Variants in AGAP1 observed in about 807,000 individuals in gnomAD.
AGAP1 encodes arf-GAP with GTPase, ANK repeat and PH domain-containing protein 1.
In AGAP1, 29 loss-of-function variants were observed where a neutral mutation model predicts 105.3. That is an observed-to-expected ratio of 0.28 (90% CI 0.21 to 0.38). The LOEUF (loss-of-function observed/expected upper bound fraction) is 0.38, where lower values mean the gene tolerates loss of function less well. AGAP1 is among the 10% of genes least tolerant of loss of function. AGAP1 has a pLI of 1.00. For synonymous variants in AGAP1, 509 were observed against 485.9 expected (o/e 1.05, Z -0.63); for missense variants, 998 against 1,165.1 (o/e 0.86, Z 2.09).
intron 1 of AGAP1, among the ~76,000 whole-genome samples, chr2:235,678,784 G>GA (rs1332180570): frequency 6.6e-6 from 1 of 151,978 alleles, no homozygotes; most frequent in Non-Finnish European, 1.5e-5. Context: ...GCTCACCTGA[G>GA]ACGTAGTAAG....
At chr2:235,497,351 C>A (rs1941361152) in intron 1 of AGAP1, among the ~76,000 whole-genome samples, 1 of 152,196 alleles carries the variant, frequency 6.6e-6, no homozygotes, top group Non-Finnish European at 1.5e-5. Context: ...CAGAGGGCTC[C>A]CTGCAGGGGC....
chr2:235,908,667 C>A lies in AGAP1; in HGVS notation c.1156-71C>A. The A allele has an allele frequency of 7.1e-7, 1 of 1,415,836 alleles. No individual in the cohort carries two copies. The highest frequency in any genetic ancestry group is 9.6e-7 in the Non-Finnish European group (1 of 1,044,890). 87.7% of individuals were successfully genotyped at this position (1,415,836 alleles called of 1,614,324 possible). ...TTTTAACTCATGACGTCTGATAGAC[C>A]CTTTTGTTCTAGGTTGTAAAAGGTC... On this transcript the variant is annotated intron_variant, in intron 10 of 17. Coordinates refer to ENST00000304032, the MANE Select transcript of AGAP1 (RefSeq NM_001037131.3). The surrounding 1 kb of genome is among the most constrained non-coding windows in gnomAD (Gnocchi z 4.4).
intron 9 of AGAP1, among the ~76,000 whole-genome samples, chr2:235,860,295 C>T (rs1048893149): frequency 6.6e-6 from 1 of 152,174 alleles, no homozygotes; most frequent in Non-Finnish European, 1.5e-5. Flanking sequence ...TGCTGGAAGT[C>T]ATTACGTAAG....
In AGAP1 at chr2:236,105,941, A is replaced by C. The variant is rs1317588660; in HGVS notation, c.2115-14251A>C. 1.3e-5 allele frequency among the ~76,000 whole-genome samples: 2 copies of C among 152,040 alleles called. No individual in the cohort carries two copies. The highest frequency in any genetic ancestry group is 4.8e-5 in the African/African-American group (2 of 41,394). The stretch of plus-strand genomic sequence containing the variant: ...TAAGAGTGAGAATCCCATTCATGGG[A>C]GTCTACTCTCCTGACCTAATCACCT... On this transcript the variant is annotated intron_variant, in intron 16 of 17. Coordinates refer to ENST00000304032, the MANE Select transcript of AGAP1 (RefSeq NM_001037131.3). This position sits in a 1 kb window ranked among gnomAD's most constrained non-coding sequence, Gnocchi z 4.2.
intron 16 of AGAP1, among the ~76,000 whole-genome samples, chr2:236,118,247 T>G (rs182587516): frequency 2.6e-5 from 4 of 152,284 alleles, no homozygotes; most frequent in Admixed American, 2.0e-4. Flanking sequence ...CTCCGTGTCA[T>G]TTGTAACTGT....
In AGAP1 at chr2:236,000,405, G is replaced by A. The variant is rs10174332; in HGVS notation, c.1645+31782G>A. On this transcript the variant is annotated intron_variant, in intron 13 of 17. Coordinates refer to ENST00000304032, the MANE Select transcript of AGAP1 (RefSeq NM_001037131.3). The surrounding 1 kb of genome is among the most constrained non-coding windows in gnomAD (Gnocchi z 4.3). ...CTGTCAATGGCATTGAGGACTTTCT[G>A]TACAAAAATCACTACGCGTGACAGC... Among the ~76,000 whole-genome samples, 2,592 of 152,244 alleles carry A rather than the reference G, an allele frequency of 0.017. 86 individuals carry two copies. Among genetic ancestry groups the A allele is most frequent in the African/African-American group, 0.059 (2,467 of 41,538 alleles).
chr2:235,884,039 G>C (rs181960734), intron 10 of AGAP1, among the ~76,000 whole-genome samples: 1 of 152,130 alleles, frequency 6.6e-6, no homozygotes, highest in South Asian at 2.1e-4. Flanking sequence ...AAATGCAGAC[G>C]TTCTACCCAT....
At chr2:235,602,373 A>G (rs1239520241) in intron 1 of AGAP1, among the ~76,000 whole-genome samples, 7 of 152,044 alleles carry the variant, frequency 4.6e-5, no homozygotes, top group Non-Finnish European at 8.8e-5. Context: ...AACCTAAACT[A>G]TCTACTCCCT....
chr2:235,902,923 C>T (rs150014241), intron 10 of AGAP1, among the ~76,000 whole-genome samples: 2 of 152,200 alleles, frequency 1.3e-5, no homozygotes, highest in Admixed American at 1.3e-4. Flanking sequence ...ATCTGTGAGA[C>T]TTTTTTGTTT....
chr2:235,703,967 G>A (rs747155306), intron 1 of AGAP1, among the ~76,000 whole-genome samples: 8 of 152,158 alleles, frequency 5.3e-5, no homozygotes, highest in Non-Finnish European at 1.0e-4. Context: ...GAGCCACCTC[G>A]CGCCCGACCA....
rs528858455 is a variant in AGAP1 at position 235,852,701 on chromosome 2, G to T, written c.1051-30644G>T. The T allele has an allele frequency of 3.8e-5, 58 of 1,512,382 alleles. 3 individuals carry two copies. The South Asian group carries it at 7.3e-4, about 19-fold the overall frequency. The allele number at this position is 1,512,382 out of a possible 1,614,324, so 93.7% of individuals were successfully genotyped here. A position where few individuals can be genotyped will look rare whatever the true frequency, so the allele number is the denominator to read the frequency against. Reference sequence around the variant, plus strand: ...CTCTCCCCAGGGCCTGCCCTTCTTTGTCCTTGCACTGACAGCCAGCACTTA... The same window carrying T: ...CTCTCCCCAGGGCCTGCCCTTCTTTTTCCTTGCACTGACAGCCAGCACTTA... On this transcript the variant is annotated intron_variant, in intron 9 of 17. Transcript: ENST00000304032.
At position 235,977,326 on chromosome 2, in the gene AGAP1, T is replaced by C. The variant is rs1231150001; in HGVS notation, c.1645+8703T>C. On this transcript the variant is annotated intron_variant, in intron 13 of 17. Transcript: ENST00000304032. This position sits in a 1 kb window ranked among gnomAD's most constrained non-coding sequence, Gnocchi z 5.2. ...GATGTCATTTAAGTCTCGGTGAAAT[T>C]ATGGTCCACTTGGACCAAGGTCCTG... Among the ~76,000 whole-genome samples the C allele has an allele frequency of 6.6e-6, 1 of 152,086 alleles. No individual in the cohort carries two copies. The highest frequency in any genetic ancestry group is 1.5e-5 in the Non-Finnish European group (1 of 68,012).
At chr2:236,066,663 T>TA (rs1320768364) in intron 16 of AGAP1, among the ~76,000 whole-genome samples, 2 of 152,258 alleles carry the variant, frequency 1.3e-5, no homozygotes, top group African/African-American at 4.8e-5. Flanking sequence ...TTTAGCTTTT[T>TA]AAAAAATTTA....
chr2:236,006,677 A>AT (rs1202173962), intron 13 of AGAP1, among the ~76,000 whole-genome samples: 1 of 152,138 alleles, frequency 6.6e-6, no homozygotes, highest in Non-Finnish European at 1.5e-5. Context: ...AAAAAGTAGT[A>AT]TTTTTTATTG....
intron 16 of AGAP1, among the ~76,000 whole-genome samples, chr2:236,069,140 G>A (rs990779228): frequency 2.0e-5 from 3 of 150,334 alleles, no homozygotes; most frequent in South Asian, 4.2e-4. Context: ...AAAAAAAAAA[G>A]AAAGAAATTT....
rs567092001 is a variant in AGAP1 at position 236,113,023 on chromosome 2, T to C, written c.2115-7169T>C. Among the ~76,000 whole-genome samples the C allele has an allele frequency of 2.6e-5, 4 of 152,380 alleles. No individual in the cohort carries two copies. In the South Asian group the frequency reaches 8.3e-4, roughly 32 times the overall value. On this transcript the variant is annotated intron_variant, in intron 16 of 17. Coordinates refer to ENST00000304032, the MANE Select transcript of AGAP1 (RefSeq NM_001037131.3). This position sits in a 1 kb window ranked among gnomAD's most constrained non-coding sequence, Gnocchi z 4.3. Reference sequence around the variant, plus strand: ...CCACTGTTTTTCCCCTTTTGAAACTTGCAATAAAATCTACCTGTCTCTTCT... The same window carrying C: ...CCACTGTTTTTCCCCTTTTGAAACTCGCAATAAAATCTACCTGTCTCTTCT...
intron 1 of AGAP1, among the ~76,000 whole-genome samples, chr2:235,641,323 C>CTCTCTTTCTG (rs61233935): frequency 7.1e-6 from 1 of 140,226 alleles, no homozygotes; most frequent in Non-Finnish European, 1.6e-5. Context: ...TTCTCTTTCT[C>CTCTCTTTCTG]CTCCCTCCCT....
intron 9 of AGAP1, among the ~76,000 whole-genome samples, chr2:235,820,736 T>G (rs59396721): frequency 0.025 from 3,813 of 152,306 alleles, 173 homozygotes; most frequent in African/African-American, 0.087. Context: ...AGACGAGTAA[T>G]GTGCCAAGTA....
At chr2:236,019,622 G>A (rs1444341801) in intron 13 of AGAP1, among the ~76,000 whole-genome samples, 2 of 152,200 alleles carry the variant, frequency 1.3e-5, no homozygotes, top group African/African-American at 4.8e-5. Context: ...CCAGGTGGAG[G>A]CAGCAGCCTG....
Sources: gnomAD v4.1 joint callset for allele counts (sites outside exome capture counted in the v4.1 genomes callset) on GRCh38, gnomAD v4.1.1 for gene constraint, Gnocchi (gnomAD v3.1) non-coding constraint, MANE v1.5 for transcripts, NCBI Gene and HGNC (gene_info 2026-07-23, HGNC 2026-07-21) for gene names.